The following EFCAB5 variants were observed in gnomAD, a reference collection of about 807,000 sequenced individuals.
EFCAB5 encodes the protein EF-hand calcium binding domain 5.
A neutral mutation model predicts 167.9 loss-of-function variants in EFCAB5; 131 were observed. The ratio of observed to expected loss-of-function variants is 0.78; its 90% CI spans 0.68 to 0.90. The LOEUF is 0.90. Among genes scored for constraint, EFCAB5 ranks in the 40% least tolerant of loss-of-function variants. The pLI is 0.00. For missense variants in EFCAB5, 1,663 were observed against 1,745.2 expected (o/e 0.95, Z 0.84); for synonymous variants, 574 against 602.8 (o/e 0.95, Z 0.70).
intron 8 of EFCAB5, among the ~76,000 whole-genome samples, chr17:30,041,312 T>C (rs1177211568): frequency 6.6e-6 from 1 of 152,116 alleles, no homozygotes; most frequent in East Asian, 1.9e-4. Context: ...TAACAGGAGT[T>C]TGAGAGATTT....
At chr17:30,017,254 T>C (rs1597674315) in intron 7 of EFCAB5, among the ~76,000 whole-genome samples, 2 of 152,164 alleles carry the variant, frequency 1.3e-5, no homozygotes, top group Non-Finnish European at 2.9e-5. Flanking sequence ...ATATGCATAT[T>C]ACCGTCACCC....
intron 3 of EFCAB5, among the ~76,000 whole-genome samples, chr17:29,947,886 C>T (rs762837057): frequency 4.6e-5 from 7 of 152,082 alleles, no homozygotes; most frequent in South Asian, 2.1e-4. Context: ...AGTGCAGTGG[C>T]GCAATCTCAG....
intron 15 of EFCAB5, 22 bp from the exon 16 acceptor site, chr17:30,080,050 G>A: frequency 6.3e-7 from 1 of 1,586,026 alleles, no homozygotes; most frequent in Non-Finnish European, 8.6e-7. Flanking sequence ...GCAAACACAT[G>A]GTCGGAAACG....
chr17:30,059,734 G>T, intron 14 of EFCAB5, 33 bp downstream of exon 14: 1 of 1,530,206 alleles, frequency 6.5e-7, no homozygotes, highest in African/African-American at 1.4e-5. Context: ...TTTAAACTGT[G>T]GTAATTAACT....
intron 3 of EFCAB5, among the ~76,000 whole-genome samples, chr17:29,944,030 G>A (rs1236137653): frequency 2.0e-5 from 3 of 152,160 alleles, no homozygotes; most frequent in East Asian, 1.9e-4. Context: ...CTGGGGATGC[G>A]TTCTTCAAGA....
At chr17:29,971,718 T>C (rs1186054351) in intron 4 of EFCAB5, among the ~76,000 whole-genome samples, 1 of 152,230 alleles carries the variant, frequency 6.6e-6, no homozygotes, top group Non-Finnish European at 1.5e-5. Flanking sequence ...AAATAAATCC[T>C]GCTTGGTTGC....
intron 4 of EFCAB5, among the ~76,000 whole-genome samples, chr17:29,990,436 T>G (rs2068389408): frequency 6.6e-6 from 1 of 152,186 alleles, no homozygotes; most frequent in African/African-American, 2.4e-5. Context: ...TGCTATATGC[T>G]CTCCTGGCTC....
chr17:30,053,763 T>G lies in EFCAB5; in HGVS notation c.1809T>G (p.Val603=). ...VSEQGSSRES[V]AEQGSRRESI... Reference sequence around the variant, plus strand: ...AACAAGGATCAAGCAGAGAGTCAGTTGCAGAACAAGGGTCACGCAGAGAGT... The same window carrying G: ...AACAAGGATCAAGCAGAGAGTCAGTGGCAGAACAAGGGTCACGCAGAGAGT... Residue 603 remains valine, a synonymous_variant, in exon 10 of 23, where the codon GTT becomes GTG. Transcript: ENST00000394835. 5.0e-6 allele frequency: 8 copies of G among 1,613,842 alleles called. No individual in the cohort carries two copies. Among genetic ancestry groups the G allele is most frequent in the Non-Finnish European group, 6.8e-6 (8 of 1,179,852 alleles).
chr17:30,032,123 T>C (rs1323583109), intron 7 of EFCAB5, among the ~76,000 whole-genome samples: 2 of 152,200 alleles, frequency 1.3e-5, no homozygotes, highest in East Asian at 1.9e-4. Context: ...TGGAACATGA[T>C]TTTTACAAAC....
chr17:30,080,638 T>G (rs532904112), intron 16 of EFCAB5, 115 bp from the exon 17 acceptor site: 1 of 773,348 alleles, frequency 1.3e-6, no homozygotes, highest in African/African-American at 1.8e-5. Flanking sequence ...CTGAGTCCAC[T>G]GCTCGGTCAT....
chr17:30,042,497 A>G (rs1004886278), intron 8 of EFCAB5, among the ~76,000 whole-genome samples: 3 of 152,230 alleles, frequency 2.0e-5, no homozygotes, highest in African/African-American at 7.2e-5. Flanking sequence ...GGATGATAGG[A>G]AACATTATGA....
chr17:30,108,132 T>A lies in EFCAB5; in HGVS notation c.*108T>A. On this transcript the variant is annotated 3_prime_UTR_variant, in exon 23 of 23. Transcript: ENST00000394835. ...CATTGGAAAGGGGTACCTATAAATG[T>A]CTTCTGCTGCTAATATTTATCTCAG... The A allele has an allele frequency of 8.1e-7, 1 of 1,239,542 alleles. No homozygotes were observed. The highest frequency in any genetic ancestry group is 2.2e-4 in the Middle Eastern group (1 of 4,556). The allele number at this position is 1,239,542 out of a possible 1,614,324, so 76.8% of individuals were successfully genotyped here. A position where few individuals can be genotyped will look rare whatever the true frequency, so the allele number is the denominator to read the frequency against.
Position 29,969,554 on chromosome 17 carries a change from G to T in EFCAB5, c.767+187G>T, listed in dbSNP as rs528504173. On this transcript the variant is annotated intron_variant, in intron 4 of 22. Coordinates refer to ENST00000394835, the MANE Select transcript of EFCAB5 (RefSeq NM_198529.4). Reference sequence around the variant, plus strand: ...CTGTGAAGACTAACAAAATAAATAAGTTCCTTGTATTCATAGATTTAATTA... The same window carrying T: ...CTGTGAAGACTAACAAAATAAATAATTTCCTTGTATTCATAGATTTAATTA... 2.6e-5 allele frequency among the ~76,000 whole-genome samples: 4 copies of T among 152,214 alleles called. No individual in the cohort carries two copies. In the South Asian group the frequency reaches 8.3e-4, roughly 32 times the overall value.
In EFCAB5 at chr17:30,053,700, A is replaced by G. The variant is rs748898700; in HGVS notation, c.1746A>G (p.Ser582=). The change falls in exon 10 of 23, where the codon TCA becomes TCG. Residue 582 remains serine, a synonymous_variant. Transcript: ENST00000394835. ...STTEQGQHKG[S]IEGQGPRRVS... Reference sequence around the variant, plus strand: ...CAGAACAAGGACAGCACAAAGGGTCAATAGAAGGACAAGGACCACGCAGAG... The same window carrying G: ...CAGAACAAGGACAGCACAAAGGGTCGATAGAAGGACAAGGACCACGCAGAG... 3 of 1,614,046 alleles carry G rather than the reference A, an allele frequency of 1.9e-6. No homozygotes were observed. The Admixed American group carries it at 5.0e-5, about 27-fold the overall frequency.
chr17:30,088,753 A>G (rs956666872), intron 19 of EFCAB5, among the ~76,000 whole-genome samples: 1 of 152,250 alleles, frequency 6.6e-6, no homozygotes, highest in East Asian at 1.9e-4. Flanking sequence ...GCGGTAACTC[A>G]GTAATCCCAG....
chr17:29,969,459 C>T, intron 4 of EFCAB5, 92 bp downstream of exon 4: 3 of 1,115,276 alleles, frequency 2.7e-6, no homozygotes, highest in Non-Finnish European at 2.5e-6. Flanking sequence ...GGACTTAAAA[C>T]AAGTGATTCT....
intron 15 of EFCAB5, among the ~76,000 whole-genome samples, chr17:30,079,331 A>G (rs754265952): frequency 3.1e-4 from 47 of 152,174 alleles, no homozygotes; most frequent in Non-Finnish European, 6.3e-4. Context: ...GACTCCATAG[A>G]TCTTGTATGT....
chr17:29,969,652 G>A (rs559925116), intron 4 of EFCAB5, among the ~76,000 whole-genome samples: 3 of 152,220 alleles, frequency 2.0e-5, no homozygotes, highest in Non-Finnish European at 2.9e-5. Context: ...TAAGCTATAT[G>A]AAAGTTGGAA....
chr17:30,070,316 T>C (rs1230082187), intron 14 of EFCAB5, among the ~76,000 whole-genome samples: 1 of 151,954 alleles, frequency 6.6e-6, no homozygotes, highest in Non-Finnish European at 1.5e-5. Flanking sequence ...CAAATACCAA[T>C]AGCATTTTTC....
Sources: allele counts gnomAD v4.1 joint callset (sites outside exome capture counted in the v4.1 genomes callset), GRCh38; gene constraint gnomAD v4.1.1; transcripts MANE v1.5; gene names NCBI Gene and HGNC (gene_info 2026-07-23, HGNC 2026-07-21).